Variants in ARID5B observed in about 807,000 individuals in gnomAD.
The protein encoded by ARID5B is AT-rich interaction domain 5B, also known as AT-rich interactive domain-containing protein 5B.
In ARID5B, 13 loss-of-function variants were observed where a neutral mutation model predicts 97.2. That is an observed-to-expected ratio of 0.13 (90% confidence interval 0.09 to 0.21). The LOEUF is 0.21. Among genes scored for constraint, ARID5B ranks in the 10% least tolerant of loss-of-function variants. The pLI, the probability that ARID5B is intolerant of heterozygous loss-of-function variation, is 1.00. For missense variants in ARID5B, 1,210 were observed against 1,465.3 expected (o/e 0.83, Z 2.84); for synonymous variants, 556 against 570.3 (o/e 0.97, Z 0.36).
chr10:62,002,368 G>A (rs1360730358), intron 4 of ARID5B, among the ~76,000 whole-genome samples: 1 of 152,106 alleles, frequency 6.6e-6, no homozygotes, highest in African/African-American at 2.4e-5. Flanking sequence ...TTCTTCTCCA[G>A]CCTCTTAAAG....
chr10:61,905,405 G>A lies in ARID5B; in HGVS notation c.276+2992G>A, dbSNP rs570770021. ...GAAAAATGATCATTGTGCAAGATTA[G>A]AAATAGCGTCCCTGTGTGGTTTGCT... On this transcript the variant is annotated intron_variant, in intron 2 of 9. Coordinates refer to ENST00000279873, the MANE Select transcript of ARID5B (RefSeq NM_032199.3). 5.3e-5 allele frequency among the ~76,000 whole-genome samples: 8 copies of A among 150,434 alleles called. No individual in the cohort carries two copies. In the South Asian group the frequency reaches 6.3e-4, roughly 12 times the overall value.
rs150760997 is a variant in ARID5B at position 61,946,856 on chromosome 10, G to A, written c.502+6448G>A. On this transcript the variant is annotated intron_variant, in intron 3 of 9. Transcript: ENST00000279873. ...GAACTGCTTGAACCCAGGAGGAGGA[G>A]GTTGTAGTGAGCAGAGATCACATCA... 4.3e-3 allele frequency among the ~76,000 whole-genome samples: 653 copies of A among 152,254 alleles called. 2 individuals carry two copies. Among genetic ancestry groups the A allele is most frequent in the African/African-American group, 0.015 (612 of 41,542 alleles).
chr10:61,908,969 A>C (rs2132755384), intron 2 of ARID5B, among the ~76,000 whole-genome samples: 1 of 152,192 alleles, frequency 6.6e-6, no homozygotes. Context: ...TATTTGTAGC[A>C]TTTCTTAATC....
intron 5 of ARID5B, 55 bp downstream of exon 5, chr10:62,051,055 T>C: frequency 7.0e-7 from 1 of 1,428,666 alleles, no homozygotes; most frequent in South Asian, 1.2e-5. Flanking sequence ...ATTTTTGCTT[T>C]TTCTCTTTAT....
Position 62,093,436 on chromosome 10 carries a change from G to C in ARID5B, c.*406G>C, listed in dbSNP as rs1305224359. The C allele has an allele frequency of 3.9e-6, 1 of 254,834 alleles. No homozygotes were observed. The highest frequency in any genetic ancestry group is 7.5e-6 in the Non-Finnish European group (1 of 132,516). The allele number at this position is 254,834 out of a possible 1,614,324, so 15.8% of individuals were successfully genotyped here. A position where few individuals can be genotyped will look rare whatever the true frequency, so the allele number is the denominator to read the frequency against. On this transcript the variant is annotated 3_prime_UTR_variant, in exon 10 of 10. Coordinates refer to ENST00000279873, the MANE Select transcript of ARID5B (RefSeq NM_032199.3). Reference sequence around the variant, plus strand: ...GAAGACTGGCAAACAGATGGCAAGGGATGCCCCTCTTTTTCATAAAACTCT... The same window carrying C: ...GAAGACTGGCAAACAGATGGCAAGGCATGCCCCTCTTTTTCATAAAACTCT...
At position 62,065,521 on chromosome 10, in the gene ARID5B, G is replaced by A. The variant is rs1306702011; in HGVS notation, c.1102-4179G>A. Among the ~76,000 whole-genome samples, 5 of 152,156 alleles carry A rather than the reference G, an allele frequency of 3.3e-5. No homozygotes were observed. The East Asian group carries it at 9.6e-4, about 29-fold the overall frequency. On this transcript the variant is annotated intron_variant, in intron 7 of 9. Transcript: ENST00000279873. ...GAGGCACAGCTCAAAAGAAATAACT[G>A]TGTGGATGAATTTGGCTATTTTCTT...
chr10:61,995,414 A>G (rs558572299), intron 3 of ARID5B, among the ~76,000 whole-genome samples: 1 of 152,306 alleles, frequency 6.6e-6, no homozygotes, highest in African/African-American at 2.4e-5. Flanking sequence ...TGAAAGGACT[A>G]TTTGGCTTTA....
chr10:62,010,191 G>A (rs1268839762), intron 4 of ARID5B, among the ~76,000 whole-genome samples: 1 of 152,138 alleles, frequency 6.6e-6, no homozygotes, highest in Non-Finnish European at 1.5e-5. Flanking sequence ...AAGGAGAGAG[G>A]CACCAATTTT....
chr10:62,086,657 C>T (rs571407068), intron 9 of ARID5B, among the ~76,000 whole-genome samples: 114 of 136,334 alleles, frequency 8.4e-4, no homozygotes, highest in South Asian at 7.1e-4. Flanking sequence ...GCTGAGATCA[C>T]GACAGCCTGG....
At chr10:62,032,749 GGTGAATATTGGAT>G (rs1322192996) in intron 4 of ARID5B, among the ~76,000 whole-genome samples, 2 of 152,066 alleles carry the variant, frequency 1.3e-5, no homozygotes, top group African/African-American at 4.8e-5. Context: ...ATATTGGATC[GGTGAATATTGGAT>G]GTTAGAAACA....
At chr10:61,940,086 A>G in intron 2 of ARID5B, 97 bp from the exon 3 acceptor site, 1 of 1,092,648 alleles carries the variant, frequency 9.2e-7, no homozygotes, top group Non-Finnish European at 1.4e-6. Context: ...AGGTTAAACC[A>G]CTCACATGGC....
intron 4 of ARID5B, among the ~76,000 whole-genome samples, chr10:62,031,869 T>G (rs1324093701): frequency 2.0e-5 from 3 of 152,146 alleles, no homozygotes; most frequent in African/African-American, 7.2e-5. Flanking sequence ...ACCTCATGAT[T>G]TTCAATTGAT....
intron 8 of ARID5B, among the ~76,000 whole-genome samples, chr10:62,076,748 C>A (rs950382702): frequency 2.0e-5 from 3 of 152,100 alleles, no homozygotes; most frequent in Non-Finnish European, 4.4e-5. Flanking sequence ...AAGTCACATA[C>A]CCCAAAGGCA....
chr10:61,921,986 C>A (rs959016050), intron 2 of ARID5B, among the ~76,000 whole-genome samples: 2 of 152,150 alleles, frequency 1.3e-5, no homozygotes, highest in East Asian at 1.9e-4. Context: ...GGACCACAGG[C>A]GTGCACCACT....
At chr10:61,932,744 A>T (rs748958893) in intron 2 of ARID5B, among the ~76,000 whole-genome samples, 1 of 152,112 alleles carries the variant, frequency 6.6e-6, no homozygotes, top group Non-Finnish European at 1.5e-5. Flanking sequence ...TTTCTTTCAA[A>T]ATTGGAGTCA....
In ARID5B at chr10:61,973,002, A is replaced by G. The variant is rs968543915; in HGVS notation, c.503-27089A>G. ...CAGACTTGTACTTTCTGTGCAGAAC[A>G]TGTTTCTATATCCAGAATTCTATCT... On this transcript the variant is annotated intron_variant, in intron 3 of 9. Transcript: ENST00000279873. 7.9e-5 allele frequency among the ~76,000 whole-genome samples: 12 copies of G among 152,316 alleles called. No individual in the cohort carries two copies. The South Asian group carries it at 1.0e-3, about 13-fold the overall frequency.
intron 4 of ARID5B, among the ~76,000 whole-genome samples, chr10:62,043,275 A>G (rs1456523128): frequency 6.6e-6 from 1 of 152,180 alleles, no homozygotes; most frequent in Non-Finnish European, 1.5e-5. Context: ...TCACTCCTAG[A>G]TTCAGCTCCC....
At chr10:62,062,264 T>C (rs1305403317) in intron 7 of ARID5B, among the ~76,000 whole-genome samples, 1 of 152,130 alleles carries the variant, frequency 6.6e-6, no homozygotes, top group African/African-American at 2.4e-5. Context: ...CAGAAACGAG[T>C]GTAGACTTGT....
At position 62,095,311 on chromosome 10, in the gene ARID5B, T is replaced by A; in HGVS notation, c.*2281T>A. On this transcript the variant is annotated 3_prime_UTR_variant, in exon 10 of 10. Coordinates refer to ENST00000279873, the MANE Select transcript of ARID5B (RefSeq NM_032199.3). Reference sequence around the variant, plus strand: ...GGAGGACATGGAAGAAAAAGGAAACTTCGGTGGTTCTGCAGCAGACATGGG... The same window carrying A: ...GGAGGACATGGAAGAAAAAGGAAACATCGGTGGTTCTGCAGCAGACATGGG... 1 of 233,434 alleles carries A rather than the reference T, an allele frequency of 4.3e-6. No individual in the cohort carries two copies. The highest frequency in any genetic ancestry group is 8.5e-6 in the Non-Finnish European group (1 of 117,986). The allele number at this position is 233,434 out of a possible 1,614,324, so 14.5% of individuals were successfully genotyped here.
Sources: allele counts gnomAD v4.1 joint callset (sites outside exome capture counted in the v4.1 genomes callset), GRCh38; gene constraint gnomAD v4.1.1; transcripts MANE v1.5; gene names NCBI Gene and HGNC (gene_info 2026-07-23, HGNC 2026-07-21).